Variants in IMPG2 observed in about 807,000 individuals in gnomAD.
The protein encoded by IMPG2 is IPM 200.
IMPG2 carries 91 observed loss-of-function variants against 129.2 expected under a neutral mutation model. The observed-to-expected ratio is 0.70, with a 90% CI of 0.59 to 0.84. The LOEUF (loss-of-function observed/expected upper bound fraction) is 0.84, where lower values mean the gene tolerates loss of function less well. IMPG2 is among the 40% of genes least tolerant of loss of function. The probability of loss-of-function intolerance (pLI) is 0.00; values close to 1 mark genes in which losing one functional copy is unlikely to be tolerated. For missense variants in IMPG2, 1,430 were observed against 1,461.7 expected (o/e 0.98, Z 0.35); for synonymous variants, 510 against 517.7 (o/e 0.99, Z 0.20).
chr3:101,298,926 T>C (rs998159585), intron 3 of IMPG2, among the ~76,000 whole-genome samples: 3 of 152,222 alleles, frequency 2.0e-5, no homozygotes, highest in Non-Finnish European at 4.4e-5. Context: ...CTGTATTTCC[T>C]GAATTTGCAT....
intron 2 of IMPG2, among the ~76,000 whole-genome samples, chr3:101,306,170 C>T (rs1177291218): frequency 6.6e-6 from 1 of 152,128 alleles, no homozygotes; most frequent in Non-Finnish European, 1.5e-5. Context: ...ATAATTACTG[C>T]CTTATTATCT....
Position 101,243,804 on chromosome 3 carries a change from C to A in IMPG2, c.2527G>T (p.Asp843Tyr), listed in dbSNP as rs773722848. ...MGVQDISLEL[D>Y]RIGTDYYQPE... The stretch of plus-strand genomic sequence containing the variant: ...TGATAGTAATCTGTGCCTATCCGGT[C>A]CAGTTCTAACGAAATATCCTGTACA... The change falls in exon 13 of 19, where the codon GAC becomes TAC. Residue 843 changes from aspartate (D) to tyrosine (Y), a missense_variant. Physicochemically the swap from Asp to Tyr is radical, Grantham distance 160 (BLOSUM62 -3). Transcript: ENST00000193391. The A allele has an allele frequency of 6.2e-7, 1 of 1,614,124 alleles. No individual in the cohort carries two copies. The highest frequency in any genetic ancestry group is 2.2e-5 in the East Asian group (1 of 44,884).
chr3:101,284,319 A>G (rs1309050391), intron 4 of IMPG2, among the ~76,000 whole-genome samples: 3 of 152,216 alleles, frequency 2.0e-5, no homozygotes, highest in Non-Finnish European at 4.4e-5. Flanking sequence ...TAGATAAAAA[A>G]CATTGCATCA....
intron 3 of IMPG2, among the ~76,000 whole-genome samples, chr3:101,294,752 CA>C (rs1197256806): frequency 2.0e-4 from 31 of 152,310 alleles, no homozygotes; most frequent in African/African-American, 7.0e-4. Context: ...TCGCCAGAAT[CA>C]ATTGTTTCTC....
chr3:101,235,514 C>T (rs1392932120), intron 14 of IMPG2, among the ~76,000 whole-genome samples: 1 of 152,170 alleles, frequency 6.6e-6, no homozygotes, highest in Non-Finnish European at 1.5e-5. Context: ...CTTTTCTATA[C>T]ATTAGGAAAA....
intron 4 of IMPG2, among the ~76,000 whole-genome samples, chr3:101,282,133 G>T (rs1460211089): frequency 1.3e-5 from 2 of 152,170 alleles, no homozygotes; most frequent in Non-Finnish European, 2.9e-5. Context: ...GGGAGTTAAT[G>T]GAGTAGTGAC....
chr3:101,282,837 T>C (rs1402722052), intron 4 of IMPG2, among the ~76,000 whole-genome samples: 1 of 152,236 alleles, frequency 6.6e-6, no homozygotes, highest in East Asian at 1.9e-4. Context: ...CAACTTTCTG[T>C]CCTTCTTCAC....
In IMPG2 at chr3:101,320,357, G is replaced by C. The variant is rs746591923; in HGVS notation, c.16C>G (p.Leu6Val). The C allele has an allele frequency of 1.2e-6, 2 of 1,607,098 alleles. No homozygotes were observed. The highest frequency in any genetic ancestry group is 1.7e-6 in the Non-Finnish European group (2 of 1,174,472). ...ATACCCAGAGAAATCTTCCCAAAAA[G>C]AGGAAACATAATCATTTGGGCCAAA... MIMFPLFGKISLGILI... is the reference protein window; with the variant it reads MIMFPVFGKISLGILI... Residue 6 changes from leucine to valine, a missense_variant, in exon 1 of 19, where the codon CTT becomes GTT. Physicochemically the swap from Leu to Val is conservative, Grantham distance 32. Coordinates refer to ENST00000193391, the MANE Select transcript of IMPG2 (RefSeq NM_016247.4).
chr3:101,312,981 T>G, intron 2 of IMPG2, among the ~76,000 whole-genome samples: 1 of 152,194 alleles, frequency 6.6e-6, no homozygotes, highest in South Asian at 2.1e-4. Context: ...GGGTCACATG[T>G]TTCTTTTTGA....
In IMPG2 at chr3:101,248,831, G is replaced by T. The variant is rs528106707; in HGVS notation, c.1240-2726C>A. Among the ~76,000 whole-genome samples the T allele has an allele frequency of 2.0e-5, 3 of 152,230 alleles. No homozygotes were observed. In the South Asian group the frequency reaches 6.2e-4, roughly 32 times the overall value. On this transcript the variant is annotated intron_variant, in intron 11 of 18. Transcript: ENST00000193391. ...CCTATTTTAAGTGGGTCACCATGCT[G>T]ATTATTCTGTATTTGTCACCACCAC...
In IMPG2 at chr3:101,242,838, T is replaced by C. The variant is rs1706425401; in HGVS notation, c.2872A>G (p.Ser958Gly). Residue 958 changes from serine (S) to glycine (G), a missense_variant, in exon 14 of 19, where the codon AGC becomes GGC. By Grantham distance (56) the Ser-to-Gly change is moderately conservative. Transcript: ENST00000193391. The part of the protein sequence containing the change: ...NLEILNFRNG[S>G]IVVNSRMKFA... Reference sequence around the variant, plus strand: ...TTCATTCGACTGTTCACCACAATGCTGCCATTTCTGAAGTTGAGGATTTCT... The same window carrying C: ...TTCATTCGACTGTTCACCACAATGCCGCCATTTCTGAAGTTGAGGATTTCT... 1.9e-6 allele frequency: 3 copies of C among 1,614,118 alleles called. No homozygotes were observed. Among genetic ancestry groups the C allele is most frequent in the Non-Finnish European group, 2.5e-6 (3 of 1,179,978 alleles).
rs572103509 is a variant in IMPG2 at position 101,275,857 on chromosome 3, T to C, written c.584-112A>G. 360 of 807,596 alleles carry C rather than the reference T, an allele frequency of 4.5e-4. 6 individuals carry two copies. In the South Asian group the frequency reaches 5.0e-3, roughly 11 times the overall value. 50.0% of individuals were successfully genotyped at this position (807,596 alleles called of 1,614,324 possible). ...AACCATTCCTATAAATAGTTTGTTTTATTGTCCTGGAAATTCGGTGCATTC... is the reference window on the plus strand; with the variant it reads ...AACCATTCCTATAAATAGTTTGTTTCATTGTCCTGGAAATTCGGTGCATTC... On this transcript the variant is annotated intron_variant, in intron 5 of 18. Transcript: ENST00000193391.
rs958676212 is a variant in IMPG2, at chr3:101,225,347, A to T, written c.*1622T>A. The T allele has an allele frequency of 1.3e-5, 2 of 152,312 alleles. No individual in the cohort carries two copies. The highest frequency in any genetic ancestry group is 4.8e-5 in the African/African-American group (2 of 41,480). The allele number at this position is 152,312 out of a possible 1,614,324, so 9.4% of individuals were successfully genotyped here. On this transcript the variant is annotated 3_prime_UTR_variant, in exon 19 of 19. Coordinates refer to ENST00000193391, the MANE Select transcript of IMPG2 (RefSeq NM_016247.4). ...TGAGTAGGGAATGAAAGGAAATGCT[A>T]GGATAAGGGAGCCACCTTGGCGCGG...
Position 101,256,217 on chromosome 3 carries a change from G to GAACA in IMPG2, c.1153+1311_1153+1312insTGTT, listed in dbSNP as rs1553682322. Among the ~76,000 whole-genome samples, 338 of 138,210 alleles carry GAACA rather than the reference G, an allele frequency of 2.4e-3. 6 individuals are homozygous for GAACA. Among genetic ancestry groups the GAACA allele is most frequent in the African/African-American group, 8.7e-3 (318 of 36,444 alleles). 90.7% of individuals were successfully genotyped at this position (138,210 alleles called of 152,430 possible). A position where few individuals can be genotyped will look rare whatever the true frequency, so the allele number is the denominator to read the frequency against. ...AGAAAGAAAGAAAGAAAGAAAGAAA[G>GAACA]AAAAAAATATCTTATTTGGGAAATA... On this transcript the variant is annotated intron_variant, in intron 10 of 18. Coordinates refer to ENST00000193391, the MANE Select transcript of IMPG2 (RefSeq NM_016247.4).
At chr3:101,291,004 G>A (rs1162955186) in intron 4 of IMPG2, among the ~76,000 whole-genome samples, 4 of 152,198 alleles carry the variant, frequency 2.6e-5, no homozygotes, top group South Asian at 2.1e-4. Context: ...AGCCAGAAAC[G>A]ACCTTAGCTC....
chr3:101,277,849 A>T (rs1268309131), intron 4 of IMPG2, among the ~76,000 whole-genome samples: 2 of 152,236 alleles, frequency 1.3e-5, no homozygotes, highest in African/African-American at 4.8e-5. Context: ...AAGTTTGTAC[A>T]CATGTCCTAA....
At chr3:101,242,661 A>G (rs1309171153) in intron 14 of IMPG2, 27 bp downstream of exon 14, 1 of 1,509,830 alleles carries the variant, frequency 6.6e-7, no homozygotes, top group Non-Finnish European at 9.2e-7. Context: ...TTCTACTAAG[A>G]AACCACCATG....
At chr3:101,236,945 A>T (rs1430937124) in intron 14 of IMPG2, among the ~76,000 whole-genome samples, 1 of 152,198 alleles carries the variant, frequency 6.6e-6, no homozygotes, top group African/African-American at 2.4e-5. Context: ...CCCACGGAGC[A>T]CAGCAAGCTA....
In IMPG2 at chr3:101,251,851, G is replaced by A. The variant is rs1045201140; in HGVS notation, c.1239+1845C>T. ...GGAAAAAACCCACCTCACTTCTATG[G>A]TAGAGTAAAATCTTGCTAACAATTG... On this transcript the variant is annotated intron_variant, in intron 11 of 18. Transcript: ENST00000193391. Among the ~76,000 whole-genome samples the A allele has an allele frequency of 3.3e-5, 5 of 152,164 alleles. No homozygotes were observed. In the South Asian group the frequency reaches 8.3e-4, roughly 25 times the overall value.
Sources: gnomAD v4.1 joint callset for allele counts (sites outside exome capture counted in the v4.1 genomes callset) on GRCh38, gnomAD v4.1.1 for gene constraint, MANE v1.5 for transcripts, NCBI Gene and HGNC (gene_info 2026-07-23, HGNC 2026-07-21) for gene names.